BICRAL: variants seen among roughly 807,000 people sequenced by gnomAD.
The protein encoded by BICRAL is BICRA like chromatin remodeling complex associated protein, also known as BRD4-interacting chromatin-remodeling complex-associated protein-like.
A neutral mutation model predicts 91.8 loss-of-function variants in BICRAL; 8 were observed. The observed-to-expected ratio is 0.09, with a 90% confidence interval of 0.05 to 0.16. BICRAL has a LOEUF of 0.16. Ranked by LOEUF, BICRAL falls within the 10% of genes least tolerant of loss-of-function variation. The pLI, the probability that BICRAL is intolerant of heterozygous loss-of-function variation, is 1.00. For synonymous variants in BICRAL, 445 were observed against 491.1 expected (o/e 0.91, Z 1.24); for missense variants, 1,038 against 1,310.9 (o/e 0.79, Z 3.21).
chr6:42,822,181 C>T, intron 3 of BICRAL, 118 bp downstream of exon 3: 4 of 616,400 alleles, frequency 6.5e-6, no homozygotes, highest in Non-Finnish European at 8.7e-6. Context: ...AAATAATAAT[C>T]ATAGGTTTAG....
chr6:42,822,961 A>G lies in BICRAL; in HGVS notation c.117A>G (p.Gly39=). ...GCAATGATGACTTGACTAATGCAGG[A>G]TATTCTGCAGCCAATTCAAATTCAA... ...KSSNDDLTNA[G]YSAANSNSIF... is the part of the protein sequence containing the mutation. Residue 39 remains glycine (G), a synonymous_variant, in exon 5 of 13, where the codon GGA becomes GGG. Transcript: ENST00000314073. 1 of 1,611,804 alleles carries G rather than the reference A, an allele frequency of 6.2e-7. No homozygotes were observed. Among genetic ancestry groups the G allele is most frequent in the Non-Finnish European group, 8.5e-7 (1 of 1,177,998 alleles).
At position 42,855,803 on chromosome 6, in the gene BICRAL, CTG is replaced by C. The variant is rs1765332366; in HGVS notation, c.2047-51_2047-50del. The C allele has an allele frequency of 1.3e-5, 18 of 1,384,026 alleles. No individual in the cohort carries two copies. The South Asian group carries it at 2.1e-4, about 16-fold the overall frequency. The allele number at this position is 1,384,026 out of a possible 1,614,324, so 85.7% of individuals were successfully genotyped here. Reference sequence around the variant, plus strand: ...GAACTATAGTGACCTTTATGTATAACTGTATTCTTTTTTCTATAAAAGGGAAT... The same window carrying C: ...GAACTATAGTGACCTTTATGTATAACTATTCTTTTTTCTATAAAAGGGAAT... On this transcript the variant is annotated intron_variant, in intron 8 of 12. Coordinates refer to ENST00000314073, the MANE Select transcript of BICRAL (RefSeq NM_001393499.1).
chr6:42,856,985 C>A, intron 9 of BICRAL, 106 bp from the exon 10 acceptor site: 1 of 913,908 alleles, frequency 1.1e-6, no homozygotes, highest in Non-Finnish European at 1.6e-6. Flanking sequence ...TAAAAAACTG[C>A]CGTATTATTC....
At chr6:42,809,096 C>T (rs1178999087) in intron 1 of BICRAL, among the ~76,000 whole-genome samples, 1 of 150,068 alleles carries the variant, frequency 6.7e-6, no homozygotes. Context: ...CCTCCCCTAG[C>T]CCCCGGCACC....
intron 4 of BICRAL, 43 bp from the exon 5 acceptor site, chr6:42,822,892 A>G (rs1764182179): frequency 2.0e-6 from 3 of 1,527,308 alleles, no homozygotes; most frequent in Non-Finnish European, 2.7e-6. Flanking sequence ...TTTCTGCTTT[A>G]CAGTTAAAGT....
intron 1 of BICRAL, among the ~76,000 whole-genome samples, chr6:42,766,391 G>T (rs1762633051): frequency 6.6e-6 from 1 of 151,640 alleles, no homozygotes; most frequent in South Asian, 2.1e-4. Context: ...TCTTTTGAAA[G>T]AACTACAATA....
intron 1 of BICRAL, among the ~76,000 whole-genome samples, chr6:42,795,946 T>C (rs1763403915): frequency 6.6e-6 from 1 of 152,218 alleles, no homozygotes; most frequent in African/African-American, 2.4e-5. Context: ...GGATCATATG[T>C]ACACACATAA....
At chr6:42,790,972 A>G (rs1763255888) in intron 1 of BICRAL, among the ~76,000 whole-genome samples, 1 of 152,032 alleles carries the variant, frequency 6.6e-6, no homozygotes, top group African/African-American at 2.4e-5. Context: ...GAAAGCCCTG[A>G]GGTGGAAATC....
intron 10 of BICRAL, among the ~76,000 whole-genome samples, chr6:42,858,188 A>G (rs1449274939): frequency 6.6e-6 from 1 of 151,852 alleles, no homozygotes; most frequent in African/African-American, 2.4e-5. Context: ...ATGAGTCCAG[A>G]GCATTGGCCA....
At chr6:42,818,571 A>G (rs1289597598) in intron 2 of BICRAL, among the ~76,000 whole-genome samples, 1 of 151,808 alleles carries the variant, frequency 6.6e-6, no homozygotes, top group Non-Finnish European at 1.5e-5. Context: ...GAAGCTTTGC[A>G]CTTTATGTCG....
At chr6:42,786,753 T>A (rs1763113769) in intron 1 of BICRAL, among the ~76,000 whole-genome samples, 1 of 152,180 alleles carries the variant, frequency 6.6e-6, no homozygotes, top group African/African-American at 2.4e-5. Context: ...AAACATGAAC[T>A]TGTGCTAGCC....
At position 42,756,928 on chromosome 6, in the gene BICRAL, C is replaced by T. The variant is rs866760229; in HGVS notation, c.-261+9905C>T. Among the ~76,000 whole-genome samples, 19 of 107,022 alleles carry T rather than the reference C, an allele frequency of 1.8e-4. 1 individual carries two copies. Among genetic ancestry groups the T allele is most frequent in the African/African-American group, 5.9e-4 (17 of 28,698 alleles). 70.2% of individuals were successfully genotyped at this position (107,022 alleles called of 152,430 possible). ...TCTCTCTCTCTCCCTCTCCCCCCCC[C>T]CCACCCTCCCTCTCTCCCTCTCTCT... is the stretch of plus-strand genomic sequence containing the variant. On this transcript the variant is annotated intron_variant, in intron 1 of 14. Transcript: ENST00000614467.
At chr6:42,776,446 C>T (rs1234658609) in intron 1 of BICRAL, among the ~76,000 whole-genome samples, 1 of 152,066 alleles carries the variant, frequency 6.6e-6, no homozygotes, top group Non-Finnish European at 1.5e-5. Context: ...CTCCCAGACT[C>T]AAGTGATCCT....
At position 42,866,919 on chromosome 6, in the gene BICRAL, C is replaced by G. The variant is rs1765722784; in HGVS notation, c.*1473C>G. ...ATAGTATTTTTATGCACTCTTCTCC[C>G]ACACATACACACACGTGCATGTATC... is the stretch of plus-strand genomic sequence containing the variant. On this transcript the variant is annotated 3_prime_UTR_variant, in exon 13 of 13. Transcript: ENST00000314073. The G allele has an allele frequency of 2.2e-6, 1 of 455,360 alleles. No individual in the cohort carries two copies. Among genetic ancestry groups the G allele is most frequent in the South Asian group, 1.6e-5 (1 of 64,508 alleles). The allele number at this position is 455,360 out of a possible 1,614,324, so 28.2% of individuals were successfully genotyped here.
intron 10 of BICRAL, among the ~76,000 whole-genome samples, chr6:42,858,157 A>G (rs1401877891): frequency 6.6e-6 from 1 of 151,864 alleles, no homozygotes; most frequent in African/African-American, 2.4e-5. Context: ...AGCTCCCAAA[A>G]GCATTCCCTA....
At chr6:42,798,603 G>C (rs1362053979) in intron 1 of BICRAL, among the ~76,000 whole-genome samples, 2 of 152,152 alleles carry the variant, frequency 1.3e-5, no homozygotes, top group Admixed American at 1.3e-4. Flanking sequence ...GGCTGAGATA[G>C]GAGAATTGCT....
At chr6:42,789,791 G>A (rs1763214782) in intron 1 of BICRAL, among the ~76,000 whole-genome samples, 1 of 152,128 alleles carries the variant, frequency 6.6e-6, no homozygotes, top group African/African-American at 2.4e-5. Context: ...AAGCTTGAGG[G>A]TGCATAAGTC....
At chr6:42,794,885 C>T (rs796271071) in intron 1 of BICRAL, among the ~76,000 whole-genome samples, 71 of 151,086 alleles carry the variant, frequency 4.7e-4, no homozygotes, top group African/African-American at 1.3e-3. Flanking sequence ...TGCTTGAACC[C>T]GGGAGGCGGA....
intron 1 of BICRAL, among the ~76,000 whole-genome samples, chr6:42,792,377 C>T (rs920129279): frequency 2.6e-5 from 4 of 152,022 alleles, no homozygotes; most frequent in Non-Finnish European, 4.4e-5. Context: ...GCAGCCCTCT[C>T]ACCTCAGCCT....
Sources: gnomAD v4.1 joint callset for allele counts (sites outside exome capture counted in the v4.1 genomes callset) on GRCh38, gnomAD v4.1.1 for gene constraint, MANE v1.5 for transcripts, NCBI Gene and HGNC (gene_info 2026-07-23, HGNC 2026-07-21) for gene names.